Variants in RFX3 observed in about 807,000 individuals in gnomAD.
RFX3 encodes the protein regulatory factor X3, also known as transcription factor RFX3.
RFX3 carries 14 observed loss-of-function variants against 98.6 expected under a neutral mutation model. The observed-to-expected ratio is 0.14, with a 90% CI of 0.09 to 0.22. RFX3 has a LOEUF of 0.22. Ranked by LOEUF, RFX3 falls within the 10% of genes least tolerant of loss-of-function variation. RFX3 has a pLI of 1.00. For synonymous variants in RFX3, 383 were observed against 328.4 expected (o/e 1.17, Z -1.80); for missense variants, 639 against 926.9 (o/e 0.69, Z 4.03).
chr9:3,315,188 T>G (rs1161397648), intron 4 of RFX3, among the ~76,000 whole-genome samples: 2 of 152,152 alleles, frequency 1.3e-5, no homozygotes, highest in Admixed American at 6.5e-5. Flanking sequence ...CAGACCACAG[T>G]GCAATCAAAC....
intron 15 of RFX3, among the ~76,000 whole-genome samples, chr9:3,244,711 G>C (rs1487991220): frequency 6.6e-6 from 1 of 152,094 alleles, no homozygotes; most frequent in Non-Finnish European, 1.5e-5. Flanking sequence ...AGACTTCCCT[G>C]GTCCTCCCAG....
chr9:3,308,138 C>T (rs1178894667), intron 4 of RFX3, among the ~76,000 whole-genome samples: 1 of 151,948 alleles, frequency 6.6e-6, no homozygotes, highest in Admixed American at 6.6e-5. Flanking sequence ...AAATGATCAC[C>T]CTGGGACTGA....
At chr9:3,469,632 T>C (rs1180397314) in intron 1 of RFX3, among the ~76,000 whole-genome samples, 2 of 152,182 alleles carry the variant, frequency 1.3e-5, no homozygotes, top group African/African-American at 2.4e-5. Context: ...CACTTAAAAC[T>C]ATTTTACAAT....
intron 4 of RFX3, among the ~76,000 whole-genome samples, chr9:3,317,865 G>T (rs1170496922): frequency 1.3e-5 from 2 of 152,156 alleles, no homozygotes; most frequent in Admixed American, 1.3e-4. Flanking sequence ...TAAAAAGTCA[G>T]GAAACAACAG....
At chr9:3,475,479 C>A (rs986418592) in intron 1 of RFX3, among the ~76,000 whole-genome samples, 1 of 152,086 alleles carries the variant, frequency 6.6e-6, no homozygotes, top group African/African-American at 2.4e-5. Flanking sequence ...GTCCACTAGA[C>A]AGGGGGCCCT....
At chr9:3,289,720 G>C in intron 6 of RFX3, among the ~76,000 whole-genome samples, 1 of 152,062 alleles carries the variant, frequency 6.6e-6, no homozygotes, top group East Asian at 1.9e-4. Context: ...GGTTGGGGGA[G>C]AGAAGCATAT....
intron 2 of RFX3, among the ~76,000 whole-genome samples, chr9:3,374,904 T>A (rs1804901298): frequency 6.6e-6 from 1 of 151,998 alleles, no homozygotes; most frequent in African/African-American, 2.4e-5. Flanking sequence ...ATTTAAGACT[T>A]CTTCCAGCTC....
chr9:3,459,094 G>A (rs1414170459), intron 1 of RFX3, among the ~76,000 whole-genome samples: 1 of 152,128 alleles, frequency 6.6e-6, no homozygotes, highest in Non-Finnish European at 1.5e-5. Flanking sequence ...GGAGCTCAGA[G>A]TAAAGATCTC....
chr9:3,322,224 T>C (rs973621484), intron 4 of RFX3, among the ~76,000 whole-genome samples: 2 of 152,190 alleles, frequency 1.3e-5, no homozygotes, highest in African/African-American at 2.4e-5. Context: ...ATGTTTAATA[T>C]TGAAATTTCT....
intron 1 of RFX3, among the ~76,000 whole-genome samples, chr9:3,424,393 GCT>G (rs1449243287): frequency 3.8e-5 from 4 of 106,266 alleles, no homozygotes; most frequent in Admixed American, 3.0e-4. Context: ...ACGGAGTCTC[GCT>G]CTGTCGCCCA....
At chr9:3,504,889 T>TATTATATATAAC (rs1816677607) in intron 1 of RFX3, among the ~76,000 whole-genome samples, 1 of 62,378 alleles carries the variant, frequency 1.6e-5, no homozygotes, top group African/African-American at 1.0e-4. Flanking sequence ...TTATATATAA[T>TATTATATATAAC]ATAACATATA....
chr9:3,411,420 T>C (rs1587565861), intron 1 of RFX3, among the ~76,000 whole-genome samples: 1 of 152,084 alleles, frequency 6.6e-6, no homozygotes, highest in Non-Finnish European at 1.5e-5. Context: ...TGAAGTGCAG[T>C]GGCATGATCT....
intron 1 of RFX3, among the ~76,000 whole-genome samples, chr9:3,475,115 A>G (rs1261404282): frequency 6.7e-6 from 1 of 149,748 alleles, no homozygotes; most frequent in Non-Finnish European, 1.5e-5. Context: ...AAAAAAAAAG[A>G]AAGAAAAAGA....
At chr9:3,400,297 T>C (rs1841346359) in intron 1 of RFX3, 15 of 593,544 alleles carry the variant, frequency 2.5e-5, no homozygotes, top group Non-Finnish European at 3.2e-5. Flanking sequence ...TCTTATAGAA[T>C]AGAGTAGGGG....
Position 3,281,463 on chromosome 9 carries a change from G to A in RFX3, c.852-4002C>T, listed in dbSNP as rs537466738. Among the ~76,000 whole-genome samples, 8 of 151,016 alleles carry A rather than the reference G, an allele frequency of 5.3e-5. No homozygotes were observed. In the East Asian group the frequency reaches 1.5e-3, roughly 29 times the overall value. The stretch of plus-strand genomic sequence containing the variant: ...CTCCCTTTACTTCCATTTACTTTAT[G>A]AATTAATTATTTTTAGATTTGGTTT... On this transcript the variant is annotated intron_variant, in intron 7 of 16. Coordinates refer to ENST00000617270, the MANE Select transcript of RFX3 (RefSeq NM_001282116.2).
At chr9:3,435,411 TG>T (rs1442691814) in intron 1 of RFX3, among the ~76,000 whole-genome samples, 1 of 152,042 alleles carries the variant, frequency 6.6e-6, no homozygotes, top group Non-Finnish European at 1.5e-5. Context: ...AACTTTTTTT[TG>T]TTAAAAATTA....
chr9:3,352,013 A>G (rs1205831436), intron 2 of RFX3, among the ~76,000 whole-genome samples: 1 of 152,002 alleles, frequency 6.6e-6, no homozygotes, highest in Non-Finnish European at 1.5e-5. Flanking sequence ...GGAAAACTTT[A>G]ATGATGATGA....
intron 14 of RFX3, among the ~76,000 whole-genome samples, chr9:3,250,800 G>A (rs1402859761): frequency 6.6e-6 from 1 of 151,830 alleles, no homozygotes; most frequent in African/African-American, 2.4e-5. Context: ...ATACAAAGAT[G>A]TTTATAATAT....
intron 4 of RFX3, among the ~76,000 whole-genome samples, 197 bp from the exon 5 acceptor site, chr9:3,301,817 G>C (rs1254295064): frequency 6.6e-6 from 1 of 151,788 alleles, no homozygotes; most frequent in East Asian, 1.9e-4. Context: ...CTAATAATAA[G>C]CCCATTCACA....
Sources: allele counts gnomAD v4.1 joint callset (sites outside exome capture counted in the v4.1 genomes callset), GRCh38; gene constraint gnomAD v4.1.1; transcripts MANE v1.5; gene names NCBI Gene and HGNC (gene_info 2026-07-23, HGNC 2026-07-21).